TTC28: variants seen among roughly 807,000 people sequenced by gnomAD.
The protein encoded by TTC28 is tetratricopeptide repeat domain 28.
A neutral mutation model predicts 198.0 loss-of-function variants in TTC28; 61 were observed. That is an observed-to-expected ratio of 0.31 (90% CI 0.25 to 0.38). TTC28 has a LOEUF of 0.38. TTC28 is among the 10% of genes least tolerant of loss of function. The probability of loss-of-function intolerance (pLI) is 1.00; values close to 1 mark genes in which losing one functional copy is unlikely to be tolerated. For synonymous variants in TTC28, 1,171 were observed against 1,297.8 expected, an observed-to-expected ratio of 0.90 and a Z score of 2.10; for missense variants, 2,678 against 3,164.0, an observed-to-expected ratio of 0.85 and a Z score of 3.69.
At chr22:28,105,162 C>T in intron 8 of TTC28, 117 bp downstream of exon 8, 5 of 1,113,278 alleles carry the variant, frequency 4.5e-6, no homozygotes, top group Non-Finnish European at 5.1e-6. Context: ...CTCTGAGACC[C>T]TTACTCCACA....
At chr22:28,114,702 C>A (rs75503143) in intron 6 of TTC28, among the ~76,000 whole-genome samples, 8,243 of 151,850 alleles carry the variant, frequency 0.054, 334 homozygotes, top group East Asian at 0.16. Flanking sequence ...GCCTCAGCAT[C>A]CCATGTAGCT....
chr22:28,599,440 A>G (rs913153588), intron 2 of TTC28, among the ~76,000 whole-genome samples: 1 of 152,228 alleles, frequency 6.6e-6, no homozygotes, highest in Non-Finnish European at 1.5e-5. Context: ...ATGGCTCATG[A>G]ACCTTCAGCA....
chr22:28,390,492 G>A (rs1230624599), intron 2 of TTC28, among the ~76,000 whole-genome samples: 2 of 152,132 alleles, frequency 1.3e-5, no homozygotes, highest in South Asian at 4.1e-4. Flanking sequence ...CTCTTTGTAG[G>A]TCGCTCAGGA....
At chr22:28,077,174 T>C (rs28537259) in intron 12 of TTC28, among the ~76,000 whole-genome samples, 1 of 152,244 alleles carries the variant, frequency 6.6e-6, no homozygotes, top group Admixed American at 6.5e-5. Context: ...TAATGCCATC[T>C]GGGTTGTTTC....
At chr22:28,422,827 C>T (rs1470448983) in intron 2 of TTC28, among the ~76,000 whole-genome samples, 1 of 151,986 alleles carries the variant, frequency 6.6e-6, no homozygotes, top group Non-Finnish European at 1.5e-5. Context: ...TTTGCATACA[C>T]CAAAAGCCTA....
chr22:28,284,936 A>G (rs987469570), intron 5 of TTC28, among the ~76,000 whole-genome samples: 19 of 152,178 alleles, frequency 1.2e-4, no homozygotes, highest in African/African-American at 4.1e-4. Context: ...AATAATATAG[A>G]CATTCCTCAA....
At position 28,086,622 on chromosome 22, in the gene TTC28, A is replaced by G. The variant is rs536339317; in HGVS notation, c.3932+7458T>C. On this transcript the variant is annotated intron_variant, in intron 12 of 22. Transcript: ENST00000397906. ...AAAAGAACTAGAAAAGCAAGAGCAA[A>G]CATATTCAAAAGCTAGCAGAAGGCA... Among the ~76,000 whole-genome samples, 70 of 152,310 alleles carry G rather than the reference A, an allele frequency of 4.6e-4. 1 individual carries two copies. The South Asian group carries it at 0.014, about 31-fold the overall frequency.
intron 12 of TTC28, among the ~76,000 whole-genome samples, chr22:28,086,703 C>T (rs906980511): frequency 6.6e-6 from 1 of 151,958 alleles, no homozygotes; most frequent in Non-Finnish European, 1.5e-5. Flanking sequence ...AAAAACCCTT[C>T]AAAAAATTAA....
intron 5 of TTC28, among the ~76,000 whole-genome samples, chr22:28,184,902 G>A (rs1601441912): frequency 6.6e-6 from 1 of 152,102 alleles, no homozygotes; most frequent in East Asian, 1.9e-4. Context: ...CACAGCATGA[G>A]ACAGATGAGA....
intron 2 of TTC28, among the ~76,000 whole-genome samples, chr22:28,545,914 A>G (rs2049531930): frequency 6.6e-6 from 1 of 152,242 alleles, no homozygotes; most frequent in Admixed American, 6.5e-5. Flanking sequence ...AAATTAATCA[A>G]TAGAATTCAA....
chr22:28,534,808 A>G (rs1171305427), intron 2 of TTC28, among the ~76,000 whole-genome samples: 1 of 152,180 alleles, frequency 6.6e-6, no homozygotes, highest in Non-Finnish European at 1.5e-5. Flanking sequence ...AAACTATCGC[A>G]AGGAAAGAAA....
At chr22:28,315,692 A>C (rs1421914493) in intron 2 of TTC28, among the ~76,000 whole-genome samples, 2 of 152,046 alleles carry the variant, frequency 1.3e-5, no homozygotes, top group Non-Finnish European at 2.9e-5. Context: ...TCAGTTGTTC[A>C]TAGTTGTGTG....
chr22:28,101,499 C>T (rs773898605), intron 8 of TTC28, among the ~76,000 whole-genome samples: 4 of 152,124 alleles, frequency 2.6e-5, no homozygotes, highest in African/African-American at 4.8e-5. Context: ...CCTGGGACTA[C>T]GGGCACGGGC....
chr22:28,337,770 C>G (rs2045756063), intron 2 of TTC28, among the ~76,000 whole-genome samples: 1 of 152,116 alleles, frequency 6.6e-6, no homozygotes, highest in Non-Finnish European at 1.5e-5. Context: ...ATACAGCACA[C>G]TGATGGGTCT....
At chr22:28,632,021 T>C (rs1382192260) in intron 1 of TTC28, among the ~76,000 whole-genome samples, 1 of 152,040 alleles carries the variant, frequency 6.6e-6, no homozygotes, top group African/African-American at 2.4e-5. Context: ...AGAGGATGCA[T>C]CTGATTTGAT....
intron 2 of TTC28, among the ~76,000 whole-genome samples, chr22:28,470,249 G>A (rs372615501): frequency 2.0e-5 from 3 of 152,308 alleles, no homozygotes; most frequent in Non-Finnish European, 2.9e-5. Context: ...GGCCTTAAAC[G>A]CAGAGACTAA....
chr22:28,064,451 G>A (rs1036321507), intron 12 of TTC28, among the ~76,000 whole-genome samples: 10 of 152,242 alleles, frequency 6.6e-5, no homozygotes, highest in African/African-American at 2.2e-4. Context: ...CAAATTTTGT[G>A]TATAAACTCT....
At chr22:28,399,336 T>TGG (rs1555986706) in intron 2 of TTC28, among the ~76,000 whole-genome samples, 1 of 141,648 alleles carries the variant, frequency 7.1e-6, no homozygotes, top group Non-Finnish European at 1.6e-5. Flanking sequence ...TTTTTTTTTT[T>TGG]GAGACAGGCT....
intron 5 of TTC28, among the ~76,000 whole-genome samples, chr22:28,208,453 G>C (rs1025213766): frequency 6.6e-6 from 1 of 152,086 alleles, no homozygotes; most frequent in Non-Finnish European, 1.5e-5. Flanking sequence ...AGAGAACCAG[G>C]TTCAAGCCCC....
Sources: gnomAD v4.1 joint callset for allele counts (sites outside exome capture counted in the v4.1 genomes callset) on GRCh38, gnomAD v4.1.1 for gene constraint, MANE v1.5 for transcripts, NCBI Gene and HGNC (gene_info 2026-07-23, HGNC 2026-07-21) for gene names.